Variants in DMXL2 observed in about 807,000 individuals in gnomAD.
DMXL2 encodes the protein dmX-like protein 2.
A neutral mutation model predicts 331.1 loss-of-function variants in DMXL2; 103 were observed. That is an observed-to-expected ratio of 0.31 (90% confidence interval 0.27 to 0.37). The LOEUF is 0.37. Ranked by LOEUF, DMXL2 falls within the 10% of genes least tolerant of loss-of-function variation. The pLI, the probability that DMXL2 is intolerant of heterozygous loss-of-function variation, is 1.00. For missense variants in DMXL2, 3,171 were observed against 3,642.9 expected, an observed-to-expected ratio of 0.87 and a Z score of 3.33; for synonymous variants, 1,281 against 1,252.1, an observed-to-expected ratio of 1.02 and a Z score of -0.49.
chr15:51,483,942 C>T (rs1038206131), intron 23 of DMXL2, among the ~76,000 whole-genome samples: 1 of 152,168 alleles, frequency 6.6e-6, no homozygotes, highest in Non-Finnish European at 1.5e-5. Flanking sequence ...AGAAACGCCC[C>T]CATGCCAGCT....
At chr15:51,540,338 A>G (rs1174740347) in intron 9 of DMXL2, among the ~76,000 whole-genome samples, 1 of 152,222 alleles carries the variant, frequency 6.6e-6, no homozygotes, top group African/African-American at 2.4e-5. Context: ...CTCACATGCA[A>G]TAACAGTATT....
intron 1 of DMXL2, among the ~76,000 whole-genome samples, chr15:51,585,297 C>T (rs935608351): frequency 3.1e-4 from 44 of 140,490 alleles, no homozygotes; most frequent in African/African-American, 1.1e-3. Context: ...TTTTGAAATA[C>T]GTCCCATCAA....
In DMXL2 at chr15:51,456,317, T is replaced by C; in HGVS notation, c.8390A>G (p.His2797Arg). The change falls in exon 38 of 44, where the codon CAT becomes CGT. Residue 2797 changes from histidine (H) to arginine (R), a missense_variant. His to Arg is a conservative substitution (Grantham distance 29, BLOSUM62 0). Transcript: ENST00000560891. ...NVKRMTSHPV[H>R]QYYLTGAQDG... Reference sequence around the variant, plus strand: ...AGGTCATAAATACTTACAGTATTGATGGACTGGGTGTGAAGTCATTCTCTT... The same window carrying C: ...AGGTCATAAATACTTACAGTATTGACGGACTGGGTGTGAAGTCATTCTCTT... 14 of 1,599,872 alleles carry C rather than the reference T, an allele frequency of 8.8e-6. No individual in the cohort carries two copies. Among genetic ancestry groups the C allele is most frequent in the Non-Finnish European group, 1.2e-5 (14 of 1,174,500 alleles).
chr15:51,529,541 A>G (rs2047882901), intron 13 of DMXL2, among the ~76,000 whole-genome samples: 1 of 152,196 alleles, frequency 6.6e-6, no homozygotes, highest in Admixed American at 6.5e-5. Flanking sequence ...ACAACCTATC[A>G]AGACTAAACC....
In DMXL2 at chr15:51,481,065, G is replaced by A. The variant is rs769766990; in HGVS notation, c.6041C>T (p.Ala2014Val). Residue 2014 changes from alanine to valine, a missense_variant, in exon 24 of 44, where the codon GCC becomes GTC. Physicochemically the swap from Ala to Val is moderately conservative, Grantham distance 64. Transcript: ENST00000560891. ...REKDKQSDQK[A>V]SDPNMLLTPQ... ...TGTTAATAACATGTTAGGGTCTGAG[G>A]CCTTCTGATCTGATTGTTTATCTTT... 4 of 1,613,954 alleles carry A rather than the reference G, an allele frequency of 2.5e-6. No homozygotes were observed. The Admixed American group carries it at 6.7e-5, about 27-fold the overall frequency.
At chr15:51,464,416 A>C (rs2040397036) in intron 32 of DMXL2, among the ~76,000 whole-genome samples, 1 of 152,182 alleles carries the variant, frequency 6.6e-6, no homozygotes, top group African/African-American at 2.4e-5. Context: ...CAAACAAACA[A>C]ACAAACAAAA....
chr15:51,527,215 T>C (rs917676719), intron 13 of DMXL2, among the ~76,000 whole-genome samples: 2 of 151,890 alleles, frequency 1.3e-5, no homozygotes, highest in African/African-American at 2.4e-5. Context: ...GGAAACCTTA[T>C]AGGCCAGGAG....
intron 15 of DMXL2, among the ~76,000 whole-genome samples, chr15:51,510,290 C>T (rs1335268342): frequency 1.1e-4 from 16 of 152,148 alleles, no homozygotes; most frequent in African/African-American, 3.6e-4. Context: ...GATGACATGA[C>T]TGTATATTTA....
chr15:51,532,063 T>A (rs114230570), intron 13 of DMXL2, among the ~76,000 whole-genome samples: 1,808 of 152,180 alleles, frequency 0.012, 36 homozygotes, highest in African/African-American at 0.042. Flanking sequence ...TGAAGAGGTA[T>A]CTGCACTCCC....
In DMXL2 at chr15:51,561,690, C is replaced by CA. The variant is rs1014236883; in HGVS notation, c.567+1690dup. 1.9e-4 allele frequency among the ~76,000 whole-genome samples: 29 copies of CA among 151,734 alleles called. 1 individual carries two copies. The South Asian group carries it at 2.7e-3, about 14-fold the overall frequency. Reference sequence around the variant, plus strand: ...TCAATCCCACTAATGGGTATTTATCCAAAAAAAAGGAAATCAGTGTATCAA... The same window carrying CA: ...TCAATCCCACTAATGGGTATTTATCCAAAAAAAAAGGAAATCAGTGTATCAA... On this transcript the variant is annotated intron_variant, in intron 6 of 43. Transcript: ENST00000560891.
In DMXL2 at chr15:51,536,482, C is replaced by G; in HGVS notation, c.1998G>C (p.Leu666Phe). Reference protein sequence around the residue: ...LACHSVLPLLLTSSHHNALLT... With the variant: ...LACHSVLPLLFTSSHHNALLT... ...ATAGAGCATTATGATGAGAGGATGT[C>G]AATAACAGTGGTAAAACTGAATGAC... The change falls in exon 12 of 44, where the codon TTG becomes TTC. Residue 666 changes from leucine to phenylalanine, a missense_variant. Physicochemically the swap from Leu to Phe is conservative, Grantham distance 22. This residue lies in a region of DMXL2 where 1,674 missense variants were observed against 1,780.2 expected (regional missense o/e 0.94). Coordinates refer to ENST00000560891, the MANE Select transcript of DMXL2 (RefSeq NM_001378457.1). The G allele has an allele frequency of 6.2e-7, 1 of 1,613,944 alleles. No individual in the cohort carries two copies. Among genetic ancestry groups the G allele is most frequent in the Non-Finnish European group, 8.5e-7 (1 of 1,179,952 alleles).
chr15:51,622,449 C>T lies in DMXL2; in HGVS notation c.87+10G>A, dbSNP rs994863764. 7 of 1,556,828 alleles carry T rather than the reference C, an allele frequency of 4.5e-6. No individual in the cohort carries two copies. The Admixed American group carries it at 5.8e-5, about 13-fold the overall frequency. On this transcript the variant is annotated intron_variant, in intron 1 of 43. Coordinates refer to ENST00000560891, the MANE Select transcript of DMXL2 (RefSeq NM_001378457.1). ...GGTATCTTCCCCTAGGGCTCCCGGC[C>T]GCCGCTCACCGTGAAGGGGACATCC...
intron 27 of DMXL2, among the ~76,000 whole-genome samples, chr15:51,475,393 C>T (rs774705959): frequency 6.6e-6 from 1 of 152,122 alleles, no homozygotes; most frequent in African/African-American, 2.4e-5. Context: ...ACTCAGGAGG[C>T]TGAGACAGGA....
At chr15:51,587,447 C>T (rs1263595408) in intron 1 of DMXL2, among the ~76,000 whole-genome samples, 1 of 152,054 alleles carries the variant, frequency 6.6e-6, no homozygotes, top group Non-Finnish European at 1.5e-5. Context: ...AGACAGTTTG[C>T]TGAGAATGAT....
chr15:51,537,508 C>T lies in DMXL2; in HGVS notation c.1597G>A (p.Gly533Arg), dbSNP rs768655022. The T allele has an allele frequency of 1.2e-6, 2 of 1,610,196 alleles. No homozygotes were observed. The highest frequency in any genetic ancestry group is 1.7e-6 in the Non-Finnish European group (2 of 1,177,564). Reference sequence around the variant, plus strand: ...TATACCTGAACTTGTCTAAATATTCCAGGATTATATTCATCCAAATACTTC... The same window carrying T: ...TATACCTGAACTTGTCTAAATATTCTAGGATTATATTCATCCAAATACTTC... ...HVKYLDEYNP[G>R]IFRQVQVSFS... is the part of the protein sequence containing the mutation. The change falls in exon 11 of 44, where the codon GGA (glycine) becomes AGA (arginine). Residue 533 changes from glycine to arginine, a missense_variant. Gly to Arg is a moderately radical substitution (Grantham distance 125, BLOSUM62 -2). This residue lies in a region of DMXL2 where 1,674 missense variants were observed against 1,780.2 expected (regional missense o/e 0.94). Coordinates refer to ENST00000560891, the MANE Select transcript of DMXL2 (RefSeq NM_001378457.1).
At chr15:51,596,295 A>G (rs919223521) in intron 1 of DMXL2, among the ~76,000 whole-genome samples, 3 of 152,240 alleles carry the variant, frequency 2.0e-5, no homozygotes, top group Admixed American at 6.5e-5. Flanking sequence ...GAAGACATTT[A>G]TGCAGCCAAA....
chr15:51,521,390 C>T (rs1183883708), intron 13 of DMXL2, among the ~76,000 whole-genome samples: 1 of 150,542 alleles, frequency 6.6e-6, no homozygotes, highest in African/African-American at 2.4e-5. Context: ...GCCTGACATA[C>T]AATAATCACT....
Position 51,464,749 on chromosome 15 carries a change from A to G in DMXL2, c.7734T>C (p.Thr2578=). Reference sequence around the variant, plus strand: ...CTGGTCCAGCTCCCACTGAAAGGTCAGTTGGATATGTGTTGATATAGTTAG... The same window carrying G: ...CTGGTCCAGCTCCCACTGAAAGGTCGGTTGGATATGTGTTGATATAGTTAG... The part of the protein sequence containing the change: ...PPPNYINTYP[T]DLSVGAGPAI... The change falls in exon 32 of 44, where the codon ACT becomes ACC. Residue 2578 remains threonine (T), a synonymous_variant. Transcript: ENST00000560891. 3 of 1,614,154 alleles carry G rather than the reference A, an allele frequency of 1.9e-6. No individual in the cohort carries two copies. The highest frequency in any genetic ancestry group is 1.7e-6 in the Non-Finnish European group (2 of 1,180,010).
At chr15:51,511,124 C>G (rs975547130) in intron 15 of DMXL2, among the ~76,000 whole-genome samples, 1 of 152,112 alleles carries the variant, frequency 6.6e-6, no homozygotes, top group African/African-American at 2.4e-5. Flanking sequence ...ATTCAGGACG[C>G]AGGCATGGGC....
Sources: allele counts gnomAD v4.1 joint callset (sites outside exome capture counted in the v4.1 genomes callset), GRCh38; gene constraint gnomAD v4.1.1; regional missense constraint gnomAD v4.1.1; transcripts MANE v1.5; gene names NCBI Gene and HGNC (gene_info 2026-07-23, HGNC 2026-07-21).